The following CSNK1G1 variants were observed in gnomAD, a reference collection of about 807,000 sequenced individuals.
CSNK1G1 encodes the protein casein kinase 1 gamma 1.
Under a neutral mutation model 59.6 loss-of-function variants are expected in CSNK1G1, and 22 were observed. The observed-to-expected ratio is 0.37, with a 90% CI of 0.26 to 0.53. CSNK1G1 has a LOEUF of 0.53. Ranked by LOEUF, CSNK1G1 falls within the 20% of genes least tolerant of loss-of-function variation. The pLI, the probability that CSNK1G1 is intolerant of heterozygous loss-of-function variation, is 0.89. For synonymous variants in CSNK1G1, 179 were observed against 177.1 expected (o/e 1.01, Z -0.08); for missense variants, 384 against 519.5 (o/e 0.74, Z 2.54).
chr15:64,300,421 G>A lies in CSNK1G1; in HGVS notation c.79C>T (p.Arg27Ter). The change falls in exon 2 of 12, where the codon CGA becomes TGA. Residue 27 changes from arginine (R) to a stop codon, truncating the protein, a stop_gained. Transcript: ENST00000303052. LOFTEE classifies it high-confidence loss of function. The part of the protein sequence containing the change: ...PMAQRSAHCS[R>*]PSGSSSSSGV... ...GAGGACGATGAGGAGCCAGATGGTC[G>A]AGAGCAGTGTGCACTCCTTTGTGCC... 2 of 1,614,164 alleles carry A rather than the reference G, an allele frequency of 1.2e-6. No individual in the cohort carries two copies. Among genetic ancestry groups the A allele is most frequent in the Non-Finnish European group, 1.7e-6 (2 of 1,180,010 alleles).
chr15:64,225,675 G>A (rs1424504129), intron 4 of CSNK1G1, among the ~76,000 whole-genome samples: 1 of 152,144 alleles, frequency 6.6e-6, no homozygotes, highest in Non-Finnish European at 1.5e-5. Context: ...CGCCCAGGCT[G>A]GAGTGCAATG....
intron 4 of CSNK1G1, among the ~76,000 whole-genome samples, chr15:64,231,842 T>C (rs1233355441): frequency 6.6e-6 from 1 of 152,222 alleles, no homozygotes; most frequent in African/African-American, 2.4e-5. Flanking sequence ...TTACCATTAT[T>C]GTCCTACCAT....
intron 4 of CSNK1G1, among the ~76,000 whole-genome samples, chr15:64,243,765 G>T (rs1223570823): frequency 1.3e-5 from 2 of 152,090 alleles, no homozygotes; most frequent in African/African-American, 4.8e-5. Context: ...ATCTACTCAG[G>T]AGGCTGAGGC....
Position 64,166,116 on chromosome 15 carries a change from C to T in CSNK1G1, c.*5815G>A. The T allele has an allele frequency of 3.4e-6, 2 of 592,238 alleles. No individual in the cohort carries two copies. The highest frequency in any genetic ancestry group is 6.0e-6 in the Non-Finnish European group (2 of 335,662). 36.7% of individuals were successfully genotyped at this position (592,238 alleles called of 1,614,324 possible). A position where few individuals can be genotyped will look rare whatever the true frequency, so the allele number is the denominator to read the frequency against. Reference sequence around the variant, plus strand: ...AAAAAGTAAAAAAAGAGGCATTTAACAATAATCAGACACATCCACACATTA... The same window carrying T: ...AAAAAGTAAAAAAAGAGGCATTTAATAATAATCAGACACATCCACACATTA... On this transcript the variant is annotated 3_prime_UTR_variant, in exon 12 of 12. Transcript: ENST00000303052. The surrounding 1 kb of genome is among the most constrained non-coding windows in gnomAD (Gnocchi z 4.5).
chr15:64,277,714 T>C (rs1457547301), intron 2 of CSNK1G1, among the ~76,000 whole-genome samples: 1 of 130,762 alleles, frequency 7.6e-6, no homozygotes, highest in East Asian at 2.1e-4. Flanking sequence ...TATATTAATA[T>C]TGATATATTT....
At chr15:64,340,599 C>G (rs895761818) in intron 1 of CSNK1G1, among the ~76,000 whole-genome samples, 15 of 152,134 alleles carry the variant, frequency 9.9e-5, no homozygotes, top group Admixed American at 8.5e-4. Flanking sequence ...CAGTTTTATT[C>G]TGGGCAGCCT....
chr15:64,353,919 C>T (rs942711928), intron 1 of CSNK1G1, among the ~76,000 whole-genome samples: 7 of 152,080 alleles, frequency 4.6e-5, no homozygotes, highest in African/African-American at 1.4e-4. Flanking sequence ...GAAATGTATT[C>T]GATTTTGTTT....
chr15:64,291,292 A>G lies in CSNK1G1; in HGVS notation c.181+9027T>C, dbSNP rs1416874716. 3.3e-5 allele frequency among the ~76,000 whole-genome samples: 5 copies of G among 152,296 alleles called. No homozygotes were observed. In the East Asian group the frequency reaches 9.7e-4, roughly 29 times the overall value. ...ACTAGAGAAGAAATACCTTTAAATT[A>G]TGTTACATTTTGGTCTGGGTGCAGT... On this transcript the variant is annotated intron_variant, in intron 2 of 11. Coordinates refer to ENST00000303052, the MANE Select transcript of CSNK1G1 (RefSeq NM_022048.5).
intron 4 of CSNK1G1, among the ~76,000 whole-genome samples, chr15:64,249,135 T>C (rs1891934070): frequency 6.6e-6 from 1 of 151,892 alleles, no homozygotes; most frequent in Non-Finnish European, 1.5e-5. Flanking sequence ...TTAAAAATAA[T>C]AAATATATAA....
chr15:64,275,364 A>G (rs988396882), intron 2 of CSNK1G1, among the ~76,000 whole-genome samples: 6 of 152,152 alleles, frequency 3.9e-5, no homozygotes, highest in African/African-American at 1.4e-4. Flanking sequence ...GAGCAGTATG[A>G]TTAGGGGTAA....
At chr15:64,180,515 G>A (rs989482277) in intron 10 of CSNK1G1, 61 bp from the exon 11 acceptor site, 11 of 1,333,770 alleles carry the variant, frequency 8.2e-6, no homozygotes, top group South Asian at 2.4e-5. Flanking sequence ...TCTTGCCAGC[G>A]CCAGACAGGG....
At chr15:64,344,564 T>C (rs1436277141) in intron 1 of CSNK1G1, among the ~76,000 whole-genome samples, 1 of 152,198 alleles carries the variant, frequency 6.6e-6, no homozygotes, top group Non-Finnish European at 1.5e-5. Flanking sequence ...AGAAATCCAG[T>C]GACACCTGGT....
intron 1 of CSNK1G1, among the ~76,000 whole-genome samples, chr15:64,326,515 G>C (rs896758943): frequency 6.6e-6 from 1 of 151,966 alleles, no homozygotes; most frequent in South Asian, 2.1e-4. Context: ...ATGGTGGCAG[G>C]CACCTTTAAT....
chr15:64,230,113 G>C lies in CSNK1G1; in HGVS notation c.293-13400C>G, dbSNP rs146028339. ...ATTTTTATATTTTTAGTAGAGACAG[G>C]GTTTTACCATGTTGGCCAGGCAGAT... On this transcript the variant is annotated intron_variant, in intron 4 of 11. Transcript: ENST00000303052. Among the ~76,000 whole-genome samples, 613 of 151,084 alleles carry C rather than the reference G, an allele frequency of 4.1e-3. 2 individuals carry two copies. Among genetic ancestry groups the C allele is most frequent in the African/African-American group, 0.015 (603 of 41,224 alleles).
At chr15:64,308,681 G>C (rs920104218) in intron 1 of CSNK1G1, among the ~76,000 whole-genome samples, 1 of 151,992 alleles carries the variant, frequency 6.6e-6, no homozygotes, top group Non-Finnish European at 1.5e-5. Flanking sequence ...TGGATCACGA[G>C]GTCAGGAGAT....
intron 2 of CSNK1G1, among the ~76,000 whole-genome samples, chr15:64,277,268 C>G (rs981754676): frequency 6.6e-6 from 1 of 151,956 alleles, no homozygotes; most frequent in Non-Finnish European, 1.5e-5. Context: ...GGTTTGAGAT[C>G]AGCCTAGGCA....
intron 1 of CSNK1G1, among the ~76,000 whole-genome samples, chr15:64,345,646 T>C (rs1897914090): frequency 6.6e-6 from 1 of 152,136 alleles, no homozygotes; most frequent in Non-Finnish European, 1.5e-5. Context: ...ATCAATCTTC[T>C]TGAAAGGGAA....
At chr15:64,283,943 T>G (rs1281590467) in intron 2 of CSNK1G1, among the ~76,000 whole-genome samples, 1 of 151,884 alleles carries the variant, frequency 6.6e-6, no homozygotes, top group Non-Finnish European at 1.5e-5. Flanking sequence ...CTTATGTTTG[T>G]TTTTTTTAAG....
At chr15:64,347,724 G>A (rs796721892) in intron 1 of CSNK1G1, among the ~76,000 whole-genome samples, 4 of 151,686 alleles carry the variant, frequency 2.6e-5, no homozygotes, top group African/African-American at 9.6e-5. Context: ...AAAACATGAA[G>A]AGGCCAGGCA....
Sources: gnomAD v4.1 joint callset for allele counts (sites outside exome capture counted in the v4.1 genomes callset) on GRCh38, gnomAD v4.1.1 for gene constraint, Gnocchi (gnomAD v3.1) non-coding constraint, MANE v1.5 for transcripts, NCBI Gene and HGNC (gene_info 2026-07-23, HGNC 2026-07-21) for gene names.